The following POLR2F variants were observed in gnomAD, a reference collection of about 807,000 sequenced individuals.
POLR2F encodes the protein RNA polymerase II, I and III subunit F.
A neutral mutation model predicts 22.7 loss-of-function variants in POLR2F; 12 were observed. That is an observed-to-expected ratio of 0.53 (90% CI 0.34 to 0.86). POLR2F has a LOEUF of 0.86. POLR2F is among the 40% of genes least tolerant of loss of function. POLR2F has a pLI of 0.02. For missense variants in POLR2F, 126 were observed against 171.5 expected, an observed-to-expected ratio of 0.73 and a Z score of 1.48; for synonymous variants, 57 against 66.0, an observed-to-expected ratio of 0.86 and a Z score of 0.66.
intron 4 of POLR2F, among the ~76,000 whole-genome samples, chr22:37,977,450 A>T (rs2145767179): frequency 6.6e-6 from 1 of 151,700 alleles, no homozygotes; most frequent in African/African-American, 2.4e-5. Context: ...CCTCCTGAGT[A>T]GCTGGGACTA....
intron 2 of POLR2F, chr22:37,958,574 C>T (rs1451959826): frequency 6.6e-6 from 1 of 152,138 alleles, no homozygotes; most frequent in Non-Finnish European, 1.5e-5. Context: ...TAATTATTGT[C>T]CACAACTAGT....
chr22:37,955,943 T>C (rs1931377144), intron 1 of POLR2F, among the ~76,000 whole-genome samples: 1 of 151,956 alleles, frequency 6.6e-6, no homozygotes, highest in African/African-American at 2.4e-5. Flanking sequence ...CCTCGGCCTC[T>C]CAAAGTGCTG....
At chr22:37,984,572 G>C (rs1932514453), upstream of POLR2F, 1 of 152,670 alleles carries the variant, frequency 6.6e-6, no homozygotes, top group African/African-American at 2.4e-5. This position sits in a 1 kb window ranked among gnomAD's most constrained non-coding sequence, Gnocchi z 4.4. Flanking sequence ...GAGCCGCTGC[G>C]GAGGGCTGGG....
chr22:38,014,108 G>C (rs1281122869), intron 1 of POLR2F, among the ~76,000 whole-genome samples: 2 of 137,794 alleles, frequency 1.5e-5, no homozygotes, highest in African/African-American at 5.4e-5. Context: ...GGCAACAAGA[G>C]TGAAACTCTG....
At chr22:37,982,008 C>T (rs1041537394), upstream of POLR2F, among the ~76,000 whole-genome samples, 17 of 152,192 alleles carry the variant, frequency 1.1e-4, no homozygotes, top group African/African-American at 4.1e-4. Flanking sequence ...CTCTAAGCCT[C>T]TAGACCCAAT....
Position 37,965,380 on chromosome 22 carries a change from ATGT to A in POLR2F, c.222-1717_222-1715del, listed in dbSNP as rs201748187. On this transcript the variant is annotated intron_variant, in intron 3 of 4. Coordinates refer to ENST00000442738, the MANE Select transcript of POLR2F (RefSeq NM_021974.5). ...CATTAGCACCACCTGGTGGCTGATG[ATGT>A]TTGTCACATCTACTTCTTAACTGGA... Among the ~76,000 whole-genome samples, 1,486 of 152,278 alleles carry A rather than the reference ATGT, an allele frequency of 9.8e-3. 26 individuals are homozygous for A. Among genetic ancestry groups the A allele is most frequent in the African/African-American group, 0.035 (1,439 of 41,540 alleles).
upstream of POLR2F, chr22:37,986,042 T>G: frequency 2.8e-6 from 3 of 1,067,756 alleles, no homozygotes; most frequent in South Asian, 5.6e-5. This position sits in a 1 kb window ranked among gnomAD's most constrained non-coding sequence, Gnocchi z 4.7. Context: ...TTCTCTTCCC[T>G]GTGCCCAGAC....
intron 1 of POLR2F, among the ~76,000 whole-genome samples, chr22:38,023,271 C>T (rs749578677): frequency 3.9e-5 from 6 of 152,122 alleles, no homozygotes; most frequent in African/African-American, 1.2e-4. Context: ...CTCACCTACA[C>T]GTGGCGCTGG....
At chr22:38,029,097 G>A (rs1370667482), downstream of POLR2F, among the ~76,000 whole-genome samples, 1 of 152,136 alleles carries the variant, frequency 6.6e-6, no homozygotes, top group Admixed American at 6.5e-5. Context: ...TGGTCTGCAG[G>A]GTGAGGTGGT....
At chr22:37,987,522 G>A (rs1932619134) in intron 1 of POLR2F, 2 of 353,940 alleles carry the variant, frequency 5.7e-6, no homozygotes, top group Non-Finnish European at 1.1e-5. Flanking sequence ...GTCACGTGGG[G>A]CGATGGTCAC....
intron 3 of POLR2F, among the ~76,000 whole-genome samples, chr22:37,960,601 GT>G (rs1193607757): frequency 6.6e-6 from 1 of 151,788 alleles, no homozygotes; most frequent in Non-Finnish European, 1.5e-5. Flanking sequence ...GTTTCACCAT[GT>G]TAGCCAGGGT....
At chr22:37,979,323 C>A (rs184845501) in intron 4 of POLR2F, among the ~76,000 whole-genome samples, 178 of 152,224 alleles carry the variant, frequency 1.2e-3, no homozygotes, top group African/African-American at 4.2e-3. Flanking sequence ...GTCTCCAACT[C>A]CTGACCTCAG....
In POLR2F at chr22:38,013,426, G is replaced by T. The variant is rs141046008; in HGVS notation, c.121-12443G>T. Among the ~76,000 whole-genome samples the T allele has an allele frequency of 5.9e-5, 9 of 152,314 alleles. No individual in the cohort carries two copies. In the South Asian group the frequency reaches 1.9e-3, roughly 32 times the overall value. ...CTCCCAGAGTGCTGGGATCACAGGC[G>T]TGAGCCACTACGCCCGGTCAGTTGT... On this transcript the variant is annotated intron_variant, in intron 1 of 2. Coordinates refer to the POLR2F transcript ENST00000333418.
chr22:37,982,131 T>C (rs140843587), upstream of POLR2F, among the ~76,000 whole-genome samples: 1 of 152,224 alleles, frequency 6.6e-6, no homozygotes, highest in East Asian at 1.9e-4. Flanking sequence ...TCTCATCTTC[T>C]TGCTTCCCCC....
chr22:37,959,495 A>G lies in POLR2F; in HGVS notation c.221+19A>G, dbSNP rs1397238053. The G allele has an allele frequency of 6.2e-7, 1 of 1,612,176 alleles. No individual in the cohort carries two copies. Among genetic ancestry groups the G allele is most frequent in the Non-Finnish European group, 8.5e-7 (1 of 1,179,512 alleles). ...AGATTGCGTGAGTGATTGCCCCTTC[A>G]CTGTCTTCTCCATCTGTCAGGCCAC... On this transcript the variant is annotated intron_variant, in intron 3 of 4. Transcript: ENST00000442738.
rs185111512 is a variant in POLR2F at position 38,021,752 on chromosome 22, T to C, written c.121-4117T>C. 7.9e-5 allele frequency among the ~76,000 whole-genome samples: 12 copies of C among 151,452 alleles called. 1 individual carries two copies. The highest frequency in any genetic ancestry group is 2.9e-4 in the African/African-American group (12 of 41,358). On this transcript the variant is annotated intron_variant, in intron 1 of 2. Transcript: ENST00000333418. Reference sequence around the variant, plus strand: ...GATTACAGGCGTGAGCCACTGCACCTGGCCAACCTTGTTGATTATGCGTCC... The same window carrying C: ...GATTACAGGCGTGAGCCACTGCACCCGGCCAACCTTGTTGATTATGCGTCC...
rs775087470 is a variant in POLR2F at position 37,956,905 on chromosome 22, A to T, written c.90+63A>T. 4 of 1,244,968 alleles carry T rather than the reference A, an allele frequency of 3.2e-6. No individual in the cohort carries two copies. The South Asian group carries it at 3.6e-5, about 11-fold the overall frequency. 77.1% of individuals were successfully genotyped at this position (1,244,968 alleles called of 1,614,324 possible). A position where few individuals can be genotyped will look rare whatever the true frequency, so the allele number is the denominator to read the frequency against. ...AAGCTGCCAAATCGTCTGACAGGTGATGATTAGCTGAATGTGTCTGCCTTC... is the reference window on the plus strand; with the variant it reads ...AAGCTGCCAAATCGTCTGACAGGTGTTGATTAGCTGAATGTGTCTGCCTTC... On this transcript the variant is annotated intron_variant, in intron 2 of 4. Coordinates refer to ENST00000442738, the MANE Select transcript of POLR2F (RefSeq NM_021974.5).
At chr22:38,027,453 G>A (rs751619898), downstream of POLR2F, among the ~76,000 whole-genome samples, 1 of 152,042 alleles carries the variant, frequency 6.6e-6, no homozygotes, top group Non-Finnish European at 1.5e-5. Context: ...TGAAGCTGGT[G>A]GCTTCCGCAG....
chr22:37,999,992 T>C (rs1335578632), intron 1 of POLR2F, among the ~76,000 whole-genome samples: 2 of 152,196 alleles, frequency 1.3e-5, no homozygotes, highest in African/African-American at 4.8e-5. Context: ...GCTAGGCGAA[T>C]CGCAGGGATC....
Sources: gnomAD v4.1 joint callset for allele counts (sites outside exome capture counted in the v4.1 genomes callset) on GRCh38, gnomAD v4.1.1 for gene constraint, Gnocchi (gnomAD v3.1) non-coding constraint, MANE v1.5 for transcripts, NCBI Gene and HGNC (gene_info 2026-07-23, HGNC 2026-07-21) for gene names.